Variants in LFNG observed in about 807,000 individuals in gnomAD.
LFNG encodes the protein LFNG O-fucosylpeptide 3-beta-N-acetylglucosaminyltransferase, also known as beta-1,3-N-acetylglucosaminyltransferase lunatic fringe.
LFNG carries 15 observed loss-of-function variants against 32.7 expected under a neutral mutation model. The observed-to-expected ratio is 0.46, with a 90% CI of 0.31 to 0.71. The LOEUF is 0.71. Ranked by LOEUF, LFNG falls within the 30% of genes least tolerant of loss-of-function variation. The probability of loss-of-function intolerance (pLI) is 0.06; values close to 1 mark genes in which losing one functional copy is unlikely to be tolerated. For synonymous variants in LFNG, 274 were observed against 246.8 expected (o/e 1.11, Z -1.03); for missense variants, 520 against 545.7 (o/e 0.95, Z 0.47).
At chr7:2,515,558 T>C (rs765360279), upstream of LFNG, among the ~76,000 whole-genome samples, 31 of 152,188 alleles carry the variant, frequency 2.0e-4, no homozygotes, top group Admixed American at 3.9e-4. Flanking sequence ...GGCTGAACTC[T>C]AATGGGCCTG....
rs1779768989 is a variant in LFNG, at chr7:2,520,860, AGTG to A, written c.432+568_432+570del. On this transcript the variant is annotated intron_variant, in intron 1 of 7. Coordinates refer to ENST00000222725, the MANE Select transcript of LFNG (RefSeq NM_001040167.2). This position sits in a 1 kb window ranked among gnomAD's most constrained non-coding sequence, Gnocchi z 5.0. ...GTCTGTGTGGGGACCCTCCCCGCACAGTGCAGTAGTCTCTGAGGCCTGCAACCT... is the reference window on the plus strand; with the variant it reads ...GTCTGTGTGGGGACCCTCCCCGCACACAGTAGTCTCTGAGGCCTGCAACCT... 2.0e-5 allele frequency among the ~76,000 whole-genome samples: 3 copies of A among 152,214 alleles called. No individual in the cohort carries two copies. Among genetic ancestry groups the A allele is most frequent in the African/African-American group, 4.8e-5 (2 of 41,456 alleles).
Position 2,520,169 on chromosome 7 carries a change from C to A in LFNG, c.308C>A (p.Pro103Gln). The change falls in exon 1 of 8, where the codon CCG becomes CAG. Residue 103 changes from proline (P) to glutamine (Q), a missense_variant. Transcript: ENST00000222725. The surrounding 1 kb of genome is among the most constrained non-coding windows in gnomAD (Gnocchi z 5.0). ...GCCCCCCGCCCCGCCGACGGCCACCCGCGCCCCCTGGCCGAGCCGCTCGCG... is the reference window on the plus strand; with the variant it reads ...GCCCCCCGCCCCGCCGACGGCCACCAGCGCCCCCTGGCCGAGCCGCTCGCG... Reference protein sequence around the residue: ...GAAPRPADGHPRPLAEPLAPR... With the variant: ...GAAPRPADGHQRPLAEPLAPR... The A allele has an allele frequency of 6.5e-7, 1 of 1,529,928 alleles. No homozygotes were observed. The allele number at this position is 1,529,928 out of a possible 1,614,324, so 94.8% of individuals were successfully genotyped here. A position where few individuals can be genotyped will look rare whatever the true frequency, so the allele number is the denominator to read the frequency against.
chr7:2,526,795 T>C lies in LFNG; in HGVS notation c.988-41T>C. 3 of 1,580,802 alleles carry C rather than the reference T, an allele frequency of 1.9e-6. No individual in the cohort carries two copies. The highest frequency in any genetic ancestry group is 2.2e-5 in the South Asian group (2 of 90,094). On this transcript the variant is annotated intron_variant, in intron 6 of 7. Coordinates refer to ENST00000222725, the MANE Select transcript of LFNG (RefSeq NM_001040167.2). The surrounding 1 kb of genome is among the most constrained non-coding windows in gnomAD (Gnocchi z 6.9). ...GCCAGCCTGGGGCGGGGCCCAGGGA[T>C]GTCGGGCCCCTCCCGGCATCACTCC...
Position 2,519,776 on chromosome 7 carries a change from T to C in LFNG, c.-86T>C, listed in dbSNP as rs1779729189. 1 of 800,896 alleles carries C rather than the reference T, an allele frequency of 1.2e-6. No individual in the cohort carries two copies. The highest frequency in any genetic ancestry group is 1.5e-6 in the Non-Finnish European group (1 of 657,190). 49.6% of individuals were successfully genotyped at this position (800,896 alleles called of 1,614,324 possible). On this transcript the variant is annotated 5_prime_UTR_variant, in exon 1 of 8. Transcript: ENST00000222725. Reference sequence around the variant, plus strand: ...GCGCGGGACACTGGTGCTGCGCTGCTGGACTGCGCCGCCGGAGCGACGGGC... The same window carrying C: ...GCGCGGGACACTGGTGCTGCGCTGCCGGACTGCGCCGCCGGAGCGACGGGC...
upstream of LFNG, chr7:2,517,794 G>C (rs377234884): frequency 2.4e-5 from 25 of 1,058,914 alleles, no homozygotes; most frequent in African/African-American, 4.9e-5. Flanking sequence ...CTCAAGAAAC[G>C]GGGCTGGGAC....
At chr7:2,528,928 G>C, downstream of LFNG, 1 of 512,708 alleles carries the variant, frequency 2.0e-6, no homozygotes, top group Non-Finnish European at 3.6e-6. Flanking sequence ...AGCCATGCTG[G>C]TGGGCTGGGG....
In LFNG at chr7:2,528,392, C is replaced by T. The variant is rs1055673434; in HGVS notation, c.*1180C>T. ...AATTGAAGTGTTGTTGCTATGGTGACGTCCTTTTGCTGTGAATAAAGGTGC... is the reference window on the plus strand; with the variant it reads ...AATTGAAGTGTTGTTGCTATGGTGATGTCCTTTTGCTGTGAATAAAGGTGC... On this transcript the variant is annotated 3_prime_UTR_variant, in exon 8 of 8. Transcript: ENST00000222725. The T allele has an allele frequency of 2.8e-5, 28 of 986,848 alleles. No homozygotes were observed. In the African/African-American group the frequency reaches 4.0e-4, roughly 14 times the overall value. 61.1% of individuals were successfully genotyped at this position (986,848 alleles called of 1,614,324 possible).
intron 1 of LFNG, 54 bp from the exon 2 acceptor site, chr7:2,524,630 CCCCACAGATGG>C: frequency 6.7e-7 from 1 of 1,485,414 alleles, no homozygotes; most frequent in Non-Finnish European, 9.2e-7. Flanking sequence ...CCCGTCCGGC[CCCCACAGATGG>C]CCCTGGGGTG....
intron 2 of LFNG, 128 bp from the exon 3 acceptor site, chr7:2,525,091 T>C: frequency 2.4e-6 from 2 of 847,922 alleles, no homozygotes; most frequent in Non-Finnish European, 3.8e-6. Context: ...TGGGGGAGGC[T>C]ACGGCCGCCG....
upstream of LFNG, among the ~76,000 whole-genome samples, chr7:2,513,683 G>A (rs1779543601): frequency 6.6e-6 from 1 of 152,222 alleles, no homozygotes; most frequent in Non-Finnish European, 1.5e-5. Context: ...TGCCTGCTGT[G>A]GCTGCCACAC....
chr7:2,519,081 G>C (rs1278831152), upstream of LFNG, among the ~76,000 whole-genome samples: 1 of 152,198 alleles, frequency 6.6e-6, no homozygotes, highest in Non-Finnish European at 1.5e-5. Context: ...CTCGCCATGG[G>C]GCGCCTGAGG....
upstream of LFNG, among the ~76,000 whole-genome samples, chr7:2,515,628 A>G (rs1447675071): frequency 2.0e-5 from 3 of 152,248 alleles, no homozygotes; most frequent in Admixed American, 6.5e-5. Context: ...ACTGTTGGAA[A>G]GGCCGTGGCT....
downstream of LFNG, chr7:2,528,471 C>A: frequency 1.0e-6 from 1 of 979,808 alleles, no homozygotes. Context: ...GGCCTAAGCC[C>A]CAGGGCAGCC....
rs745877591 is a variant in LFNG at position 2,527,151 on chromosome 7, G to A, written c.1079G>A (p.Arg360His). The change falls in exon 8 of 8, where the codon CGC (arginine) becomes CAC (histidine). Residue 360 changes from arginine (R) to histidine (H), a missense_variant. Around this residue, in one of 3 missense-constraint regions of LFNG, gnomAD observed 150 missense variants for 159.9 expected, o/e 0.94. Transcript: ENST00000222725. The surrounding 1 kb of genome is among the most constrained non-coding windows in gnomAD (Gnocchi z 4.4). ...CCCCTGCTCTGTTCCCACAGGTTCC[G>A]CTCCATCCACTGCCACCTGTACCCG... Reference protein sequence around the residue: ...FSVEADPSRFRSIHCHLYPDT... With the variant: ...FSVEADPSRFHSIHCHLYPDT... 5.2e-5 allele frequency: 84 copies of A among 1,612,334 alleles called. No homozygotes were observed. The highest frequency in any genetic ancestry group is 8.8e-5 in the South Asian group (8 of 91,068).
At chr7:2,524,098 G>A (rs1779870574) in intron 1 of LFNG, among the ~76,000 whole-genome samples, 1 of 152,188 alleles carries the variant, frequency 6.6e-6, no homozygotes, top group African/African-American at 2.4e-5. Flanking sequence ...TCTCCCGCCA[G>A]CCCAGGACAA....
Position 2,520,180 on chromosome 7 carries a change from G to A in LFNG, c.319G>A (p.Ala107Thr), listed in dbSNP as rs1267867743. 6.4e-7 allele frequency: 1 copy of A among 1,567,276 alleles called. No homozygotes were observed. ...CGCCGACGGCCACCCGCGCCCCCTGGCCGAGCCGCTCGCGCCCCGAGACGT... is the reference window on the plus strand; with the variant it reads ...CGCCGACGGCCACCCGCGCCCCCTGACCGAGCCGCTCGCGCCCCGAGACGT... ...RPADGHPRPL[A>T]EPLAPRDVFI... is the part of the protein sequence containing the mutation. Residue 107 changes from alanine to threonine, a missense_variant, in exon 1 of 8, where the codon GCC becomes ACC. Transcript: ENST00000222725. The surrounding 1 kb of genome is among the most constrained non-coding windows in gnomAD (Gnocchi z 5.0).
rs1289938674 is a variant in LFNG, at chr7:2,526,261, A to G, written c.839A>G (p.Asn280Ser). Residue 280 changes from asparagine (N) to serine (S), a missense_variant, in exon 6 of 8, where the codon AAT becomes AGT. Asn to Ser is a conservative substitution (Grantham distance 46, BLOSUM62 1). Around this residue, in one of 3 missense-constraint regions of LFNG, gnomAD observed 150 missense variants for 159.9 expected, o/e 0.94. Transcript: ENST00000222725. This position sits in a 1 kb window ranked among gnomAD's most constrained non-coding sequence, Gnocchi z 6.9. ...SPWASGGHFM[N>S]TAERIRLPDD... ...TCCCGCAGCGGGGGTCACTTCATGA[A>G]TACGGCTGAGCGGATCCGGCTGCCT... 1 of 1,613,024 alleles carries G rather than the reference A, an allele frequency of 6.2e-7. No homozygotes were observed. The highest frequency in any genetic ancestry group is 1.3e-5 in the African/African-American group (1 of 75,026).
intron 5 of LFNG, 21 bp downstream of exon 5, chr7:2,525,791 A>G: frequency 6.2e-7 from 1 of 1,601,988 alleles, no homozygotes; most frequent in Non-Finnish European, 8.5e-7. Context: ...TGCACAGGTT[A>G]GGCCAGCCCG....
At chr7:2,517,430 C>T (rs1213104381), upstream of LFNG, among the ~76,000 whole-genome samples, 1 of 152,102 alleles carries the variant, frequency 6.6e-6, no homozygotes, top group East Asian at 1.9e-4. Flanking sequence ...GCATGTGCCC[C>T]TGCCAGGCTG....
Sources: gnomAD v4.1 joint callset for allele counts (sites outside exome capture counted in the v4.1 genomes callset) on GRCh38, gnomAD v4.1.1 for gene constraint, gnomAD v4.1.1 regional missense constraint, Gnocchi (gnomAD v3.1) non-coding constraint, MANE v1.5 for transcripts, NCBI Gene and HGNC (gene_info 2026-07-23, HGNC 2026-07-21) for gene names.